Variants in CORO1B observed in about 807,000 individuals in gnomAD.
The protein encoded by CORO1B is coronin-1B.
In CORO1B, 30 loss-of-function variants were observed where a neutral mutation model predicts 51.1. The ratio of observed to expected loss-of-function variants is 0.59; its 90% CI spans 0.44 to 0.80. The LOEUF is 0.80. CORO1B is among the 30% of genes least tolerant of loss of function. The pLI is 0.00. For missense variants in CORO1B, 648 were observed against 700.4 expected (o/e 0.93, Z 0.84); for synonymous variants, 310 against 289.7 (o/e 1.07, Z -0.71).
intron 9 of CORO1B, among the ~76,000 whole-genome samples, 173 bp downstream of exon 9, chr11:67,439,611 CCT>C (rs775061912): frequency 6.6e-6 from 1 of 152,238 alleles, no homozygotes; most frequent in Non-Finnish European, 1.5e-5. Flanking sequence ...CCACTTGCCC[CCT>C]GACTGGCACA....
In CORO1B at chr11:67,435,980, G is replaced by C; in HGVS notation, c.*2396C>G. On this transcript the variant is annotated 3_prime_UTR_variant, in exon 11 of 11. Coordinates refer to ENST00000341356, the MANE Select transcript of CORO1B (RefSeq NM_020441.3). Reference sequence around the variant, plus strand: ...TTGCTGCTCGCCTTCCCCAGGGTCAGCCTGCAGGCCACCATCCGCGACGTG... The same window carrying C: ...TTGCTGCTCGCCTTCCCCAGGGTCACCCTGCAGGCCACCATCCGCGACGTG... 1 of 1,613,726 alleles carries C rather than the reference G, an allele frequency of 6.2e-7. No individual in the cohort carries two copies. The highest frequency in any genetic ancestry group is 8.5e-7 in the Non-Finnish European group (1 of 1,179,926).
At position 67,437,562 on chromosome 11, in the gene CORO1B, AGCCCC is replaced by A; in HGVS notation, c.*809_*813del. ...TTAGCTCCACAGGCCCAGACATTCTAGCCCCGACCGCCTGTGGCCCCCATCCCAAG... is the reference window on the plus strand; with the variant it reads ...TTAGCTCCACAGGCCCAGACATTCTAGACCGCCTGTGGCCCCCATCCCAAG... On this transcript the variant is annotated 3_prime_UTR_variant, in exon 11 of 11. Coordinates refer to ENST00000341356, the MANE Select transcript of CORO1B (RefSeq NM_020441.3). 1 of 1,337,508 alleles carries A rather than the reference AGCCCC, an allele frequency of 7.5e-7. No homozygotes were observed. The highest frequency in any genetic ancestry group is 9.7e-7 in the Non-Finnish European group (1 of 1,034,416). 82.9% of individuals were successfully genotyped at this position (1,337,508 alleles called of 1,614,324 possible). A position where few individuals can be genotyped will look rare whatever the true frequency, so the allele number is the denominator to read the frequency against.
Position 67,438,078 on chromosome 11 carries a change from G to A in CORO1B, c.*298C>T, listed in dbSNP as rs1430397204. 2.6e-6 allele frequency: 1 copy of A among 383,042 alleles called. No homozygotes were observed. The allele number at this position is 383,042 out of a possible 1,614,324, so 23.7% of individuals were successfully genotyped here. The stretch of plus-strand genomic sequence containing the variant: ...TTAGAAAGAGAATTTTATTTGGAAT[G>A]AAAATATAGAGCCCACCCTCCCGCC... On this transcript the variant is annotated 3_prime_UTR_variant, in exon 11 of 11. Transcript: ENST00000341356.
rs1864307452 is a variant in CORO1B, at chr11:67,437,310, C to T, written c.*1066G>A. On this transcript the variant is annotated 3_prime_UTR_variant, in exon 11 of 11. Transcript: ENST00000341356. ...GGTGCTGAGGTGCAGCCAGCCTCCC[C>T]CACCACCCCAGGCTGTCCGCCCAGG... The T allele has an allele frequency of 5.9e-6, 2 of 336,988 alleles. No homozygotes were observed. The highest frequency in any genetic ancestry group is 3.1e-4 in the South Asian group (2 of 6,510). 20.9% of individuals were successfully genotyped at this position (336,988 alleles called of 1,614,324 possible). A position where few individuals can be genotyped will look rare whatever the true frequency, so the allele number is the denominator to read the frequency against.
Position 67,436,088 on chromosome 11 carries a change from C to T in CORO1B, c.*2288G>A, listed in dbSNP as rs547434254. On this transcript the variant is annotated 3_prime_UTR_variant, in exon 11 of 11. Transcript: ENST00000341356. ...CAGCTCAGCTCGGGCCTGCAGCCAG[C>T]GACCTGGGGGGCTGGCCCAGAGCAG... 167 of 1,611,078 alleles carry T rather than the reference C, an allele frequency of 1.0e-4. No homozygotes were observed. In the South Asian group the frequency reaches 1.6e-3, roughly 15 times the overall value.
In CORO1B at chr11:67,436,152, C is replaced by T. The variant is rs1230004116; in HGVS notation, c.*2224G>A. 6.4e-7 allele frequency: 1 copy of T among 1,568,972 alleles called. No individual in the cohort carries two copies. The highest frequency in any genetic ancestry group is 8.6e-7 in the Non-Finnish European group (1 of 1,157,116). Reference sequence around the variant, plus strand: ...CCCCACAGCGCGGCACCTAGGCGGGCCGGGTGGTAGTAGCCCCCTGAGTCA... The same window carrying T: ...CCCCACAGCGCGGCACCTAGGCGGGTCGGGTGGTAGTAGCCCCCTGAGTCA... On this transcript the variant is annotated 3_prime_UTR_variant, in exon 11 of 11. Coordinates refer to ENST00000341356, the MANE Select transcript of CORO1B (RefSeq NM_020441.3).
chr11:67,436,311 G>C lies in CORO1B; in HGVS notation c.*2065C>G. 1 of 1,518,988 alleles carries C rather than the reference G, an allele frequency of 6.6e-7. No individual in the cohort carries two copies. The allele number at this position is 1,518,988 out of a possible 1,614,324, so 94.1% of individuals were successfully genotyped here. On this transcript the variant is annotated 3_prime_UTR_variant, in exon 11 of 11. Coordinates refer to ENST00000341356, the MANE Select transcript of CORO1B (RefSeq NM_020441.3). ...CCACCCGAGCCCAAGGCCCCTGGCA[G>C]GGCCAGCAGCATCCCGAGCCCTAAG...
At position 67,439,948 on chromosome 11, in the gene CORO1B, G is replaced by A. The variant is rs541703508; in HGVS notation, c.1008-105C>T. The A allele has an allele frequency of 9.8e-6, 13 of 1,332,790 alleles. No homozygotes were observed. In the African/African-American group the frequency reaches 1.5e-4, roughly 15 times the overall value. 82.6% of individuals were successfully genotyped at this position (1,332,790 alleles called of 1,614,324 possible). On this transcript the variant is annotated intron_variant, in intron 8 of 10. Transcript: ENST00000341356. Reference sequence around the variant, plus strand: ...TTCCAGTCCTCACCCCAGGACCTCCGCAGGCCGACCCCTAAGGTGGCTAGA... The same window carrying A: ...TTCCAGTCCTCACCCCAGGACCTCCACAGGCCGACCCCTAAGGTGGCTAGA...
In CORO1B at chr11:67,441,848, T is replaced by A; in HGVS notation, c.339A>T (p.Pro113=). Residue 113 remains proline (P), a synonymous_variant, in exon 4 of 11, where the codon CCA becomes CCT. Coordinates refer to ENST00000341356, the MANE Select transcript of CORO1B (RefSeq NM_020441.3). ...TCAGCGGGGAGGTCAGCCCGTTCTC[T>A]GGGATCTGCCACACCTGTGGTAGGG... The part of the protein sequence containing the change: ...EDCTVMVWQI[P]ENGLTSPLTE... 2 of 1,613,190 alleles carry A rather than the reference T, an allele frequency of 1.2e-6. No individual in the cohort carries two copies. The highest frequency in any genetic ancestry group is 1.7e-6 in the Non-Finnish European group (2 of 1,179,966).
rs1590984594 is a variant in CORO1B at position 67,438,380 on chromosome 11, G to A, written c.1466C>T (p.Ala489Val). ...EQLGRMENGD[A>V] ...AGGTGGCGTGTGGCTGTGGCCCTAC[G>A]CATCCCCGTTCTCCATGCGGCCCAG... The change falls in exon 11 of 11, where the codon GCG (alanine) becomes GTG (valine). Residue 489 changes from alanine to valine, a missense_variant. Transcript: ENST00000341356. 1.9e-6 allele frequency: 3 copies of A among 1,602,086 alleles called. No homozygotes were observed. The highest frequency in any genetic ancestry group is 2.7e-5 in the African/African-American group (2 of 74,790).
chr11:67,442,906 G>C (rs1864426472), intron 1 of CORO1B, among the ~76,000 whole-genome samples: 1 of 152,210 alleles, frequency 6.6e-6, no homozygotes, highest in South Asian at 2.1e-4. Flanking sequence ...TGGCTCTGGT[G>C]TGTGTCGGGG....
In CORO1B at chr11:67,440,116, A is replaced by C; in HGVS notation, c.1007+2T>G. 6.2e-7 allele frequency: 1 copy of C among 1,608,570 alleles called. No homozygotes were observed. The highest frequency in any genetic ancestry group is 8.5e-7 in the Non-Finnish European group (1 of 1,177,196). On this transcript the variant is annotated splice_donor_variant, in intron 8 of 10. Transcript: ENST00000341356. LOFTEE classifies it high-confidence loss of function. Reference sequence around the variant, plus strand: ...CCCGAGTGGCCTCGGTAGCCCTCTTACCGGGCGATCTCGCACTTGCTGACC... The same window carrying C: ...CCCGAGTGGCCTCGGTAGCCCTCTTCCCGGGCGATCTCGCACTTGCTGACC...
In CORO1B at chr11:67,437,826, T is replaced by C. The variant is rs1864317190; in HGVS notation, c.*550A>G. On this transcript the variant is annotated 3_prime_UTR_variant, in exon 11 of 11. Coordinates refer to ENST00000341356, the MANE Select transcript of CORO1B (RefSeq NM_020441.3). ...CTGGAGGAGGCTGGGCTGCCGGGCCTGTCCTCCAAGGAAGAAGCAGCACCA... is the reference window on the plus strand; with the variant it reads ...CTGGAGGAGGCTGGGCTGCCGGGCCCGTCCTCCAAGGAAGAAGCAGCACCA... The C allele has an allele frequency of 2.3e-6, 1 of 431,434 alleles. No homozygotes were observed. The highest frequency in any genetic ancestry group is 3.9e-6 in the Non-Finnish European group (1 of 254,766). 26.7% of individuals were successfully genotyped at this position (431,434 alleles called of 1,614,324 possible). A position where few individuals can be genotyped will look rare whatever the true frequency, so the allele number is the denominator to read the frequency against.
intron 10 of CORO1B, 31 bp downstream of exon 10, chr11:67,438,640 C>G: frequency 6.6e-7 from 1 of 1,513,510 alleles, no homozygotes; most frequent in South Asian, 1.2e-5. Context: ...ACCTGGGGCT[C>G]CCAGCACCAC....
chr11:67,443,618 C>T (rs952615637), upstream of CORO1B: 340 of 724,956 alleles, frequency 4.7e-4, 1 homozygote, highest in South Asian at 2.6e-3. Flanking sequence ...CCGCCGGGGA[C>T]GGGGCCAGAG....
At position 67,438,884 on chromosome 11, in the gene CORO1B, C is replaced by T; in HGVS notation, c.1131G>A (p.Glu377=). ...CGGCATCCCGCCCGCTCACCCACTC[C>T]TCAGCCTCCAGGGCTGCCTCGGGCC... The part of the protein sequence containing the change: ...TAGPEAALEA[E]EWVSGRDADP... The change falls in exon 10 of 11, where the codon GAG becomes GAA. Residue 377 remains glutamate (E), a synonymous_variant. Coordinates refer to ENST00000341356, the MANE Select transcript of CORO1B (RefSeq NM_020441.3). The T allele has an allele frequency of 6.2e-7, 1 of 1,609,016 alleles. No individual in the cohort carries two copies. Among genetic ancestry groups the T allele is most frequent in the Non-Finnish European group, 8.5e-7 (1 of 1,178,942 alleles).
Position 67,436,049 on chromosome 11 carries a change from TTGTC to T in CORO1B, c.*2323_*2326del, listed in dbSNP as rs1312898042. ...CTCATCCTCCTGTCGCTCAAGGTCA[TTGTC>T]TGTGGACCCCAGCTCAGCTCGGGCC... On this transcript the variant is annotated 3_prime_UTR_variant, in exon 11 of 11. Coordinates refer to ENST00000341356, the MANE Select transcript of CORO1B (RefSeq NM_020441.3). The T allele has an allele frequency of 1.2e-6, 2 of 1,613,470 alleles. No homozygotes were observed. The highest frequency in any genetic ancestry group is 3.3e-5 in the Admixed American group (2 of 60,000).
chr11:67,440,753 C>A (rs1297706864), intron 6 of CORO1B: 1 of 643,274 alleles, frequency 1.6e-6, no homozygotes, highest in African/African-American at 1.8e-5. Context: ...CTCAAGGTGC[C>A]CTGGAGGTCA....
intron 9 of CORO1B, 76 bp downstream of exon 9, chr11:67,439,710 G>A: frequency 7.1e-7 from 1 of 1,407,988 alleles, no homozygotes; most frequent in Admixed American, 2.0e-5. Flanking sequence ...CCATTCACAG[G>A]CCTCGCCCTG....
Sources: gnomAD v4.1 joint callset for allele counts (sites outside exome capture counted in the v4.1 genomes callset) on GRCh38, gnomAD v4.1.1 for gene constraint, MANE v1.5 for transcripts, NCBI Gene and HGNC (gene_info 2026-07-23, HGNC 2026-07-21) for gene names.